PDE6D: variants seen among roughly 807,000 people sequenced by gnomAD.
PDE6D encodes the protein retinal rod rhodopsin-sensitive cGMP 3',5'-cyclic phosphodiesterase subunit delta.
A neutral mutation model predicts 21.9 loss-of-function variants in PDE6D; 10 were observed. The observed-to-expected ratio is 0.46, with a 90% CI of 0.28 to 0.78. The LOEUF (loss-of-function observed/expected upper bound fraction) is 0.78. PDE6D is among the 30% of genes least tolerant of loss of function. The probability of loss-of-function intolerance (pLI) is 0.12; values close to 1 mark genes in which losing one functional copy is unlikely to be tolerated. For missense variants in PDE6D, 139 were observed against 184.8 expected, an observed-to-expected ratio of 0.75 and a Z score of 1.44; for synonymous variants, 59 against 63.5, an observed-to-expected ratio of 0.93 and a Z score of 0.34.
At chr2:231,767,839 CTT>C (rs59912776) in intron 1 of PDE6D, among the ~76,000 whole-genome samples, 29 of 137,864 alleles carry the variant, frequency 2.1e-4, no homozygotes, top group African/African-American at 3.4e-4. Flanking sequence ...TTTAACTATT[CTT>C]TTTTTTTTTT....
intron 1 of PDE6D, among the ~76,000 whole-genome samples, chr2:231,763,642 T>C (rs1470615975): frequency 3.3e-5 from 5 of 151,502 alleles, no homozygotes; most frequent in Admixed American, 6.6e-5. Flanking sequence ...TTTTTTCTTT[T>C]TTTTTTTTTT....
chr2:231,780,170 G>A (rs1162407151), intron 1 of PDE6D, among the ~76,000 whole-genome samples: 10 of 152,064 alleles, frequency 6.6e-5, no homozygotes, highest in Admixed American at 6.6e-4. Context: ...ATGCAAAAGG[G>A]GCACCACAAC....
chr2:231,757,607 T>C (rs2048893232), intron 1 of PDE6D, among the ~76,000 whole-genome samples: 1 of 152,204 alleles, frequency 6.6e-6, no homozygotes, highest in Non-Finnish European at 1.5e-5. Flanking sequence ...GTCAATTTCT[T>C]AAATCCCCAT....
chr2:231,735,266 T>C (rs1178831890), intron 4 of PDE6D, among the ~76,000 whole-genome samples: 1 of 151,148 alleles, frequency 6.6e-6, no homozygotes. Flanking sequence ...AAAATCTACT[T>C]TTAAAACTAT....
rs960403361 is a variant in PDE6D at position 231,742,604 on chromosome 2, G to A, written c.51-3416C>T. ...TCTGCAAAAGATCGTTAATATTTGC[G>A]AAGAGACTGAGCTGCAGATAAATAT... On this transcript the variant is annotated intron_variant, in intron 1 of 4. Transcript: ENST00000287600. 6.6e-5 allele frequency among the ~76,000 whole-genome samples: 10 copies of A among 152,282 alleles called. No individual in the cohort carries two copies. In the Middle Eastern group the frequency reaches 0.01, roughly 155 times the overall value.
At chr2:231,773,319 T>C (rs563042603) in intron 1 of PDE6D, among the ~76,000 whole-genome samples, 2 of 152,330 alleles carry the variant, frequency 1.3e-5, no homozygotes, top group South Asian at 4.1e-4. Context: ...CAAGAGTCCA[T>C]GCATGAGGAA....
At chr2:231,764,034 T>C (rs900558784) in intron 1 of PDE6D, among the ~76,000 whole-genome samples, 3 of 152,034 alleles carry the variant, frequency 2.0e-5, no homozygotes, top group Non-Finnish European at 2.9e-5. Context: ...TTGCCAGCCA[T>C]AGTTTAAGCA....
intron 1 of PDE6D, among the ~76,000 whole-genome samples, chr2:231,766,045 C>A (rs1284919814): frequency 6.6e-6 from 1 of 152,228 alleles, no homozygotes; most frequent in African/African-American, 2.4e-5. Context: ...AAATGCATTT[C>A]TCCACCCAAT....
intron 1 of PDE6D, among the ~76,000 whole-genome samples, chr2:231,749,593 G>A (rs1465385443): frequency 6.7e-6 from 1 of 150,304 alleles, no homozygotes; most frequent in Non-Finnish European, 1.5e-5. Flanking sequence ...GTGCAGTGGT[G>A]TGATCTCAGC....
intron 1 of PDE6D, among the ~76,000 whole-genome samples, chr2:231,754,045 GTGGCCTTTCAGGGACCCAATTAAGTGT>G (rs1388918863): frequency 1.2e-4 from 18 of 152,212 alleles, no homozygotes; most frequent in Non-Finnish European, 5.9e-5. Context: ...AAAGAGTTGA[GTGGCCTTTCAGGGACCCAATTAAGTGT>G]TATGATGACC....
At chr2:231,764,895 G>A (rs1317075564) in intron 1 of PDE6D, among the ~76,000 whole-genome samples, 1 of 152,146 alleles carries the variant, frequency 6.6e-6, no homozygotes. Flanking sequence ...AGCAATAGAG[G>A]GAGAGTTCAT....
intron 1 of PDE6D, among the ~76,000 whole-genome samples, chr2:231,746,172 C>T (rs933617991): frequency 6.6e-6 from 1 of 151,972 alleles, no homozygotes; most frequent in Admixed American, 6.6e-5. Context: ...GACGGAGTCC[C>T]AATCTGTTGT....
At chr2:231,750,559 C>T (rs573926185) in intron 1 of PDE6D, among the ~76,000 whole-genome samples, 4 of 147,722 alleles carry the variant, frequency 2.7e-5, no homozygotes, top group South Asian at 2.1e-4. Context: ...GGCTGGAGTG[C>T]GATCTCAGCT....
chr2:231,776,591 G>T (rs1404115584), intron 1 of PDE6D, among the ~76,000 whole-genome samples: 1 of 152,164 alleles, frequency 6.6e-6, no homozygotes, highest in Non-Finnish European at 1.5e-5. Flanking sequence ...AAAATGCATT[G>T]CTTTTGAAGA....
At chr2:231,747,202 T>C (rs1164123936) in intron 1 of PDE6D, among the ~76,000 whole-genome samples, 1 of 152,230 alleles carries the variant, frequency 6.6e-6, no homozygotes, top group African/African-American at 2.4e-5. Flanking sequence ...GCGATTCTCC[T>C]GTCTTAGCCT....
intron 4 of PDE6D, among the ~76,000 whole-genome samples, chr2:231,736,607 C>T (rs1347455973): frequency 6.6e-6 from 1 of 152,146 alleles, no homozygotes; most frequent in Non-Finnish European, 1.5e-5. Context: ...GGAACAGGAA[C>T]CAAAGCTATT....
chr2:231,749,677 AC>A (rs1435307086), intron 1 of PDE6D, among the ~76,000 whole-genome samples: 4 of 152,044 alleles, frequency 2.6e-5, no homozygotes, highest in African/African-American at 9.6e-5. Context: ...GATTACAGGC[AC>A]TTGCCACCAT....
At chr2:231,768,285 C>G (rs1369347036) in intron 1 of PDE6D, among the ~76,000 whole-genome samples, 1 of 152,164 alleles carries the variant, frequency 6.6e-6, no homozygotes, top group Non-Finnish European at 1.5e-5. Flanking sequence ...ATTCCTGACT[C>G]CAACTCACTC....
intron 1 of PDE6D, among the ~76,000 whole-genome samples, chr2:231,756,409 TC>T (rs996214925): frequency 6.6e-6 from 1 of 152,206 alleles, no homozygotes; most frequent in African/African-American, 2.4e-5. Flanking sequence ...ATATTGGTTG[TC>T]CTGAAGCACA....
Sources: gnomAD v4.1 joint callset for allele counts (sites outside exome capture counted in the v4.1 genomes callset) on GRCh38, gnomAD v4.1.1 for gene constraint, MANE v1.5 for transcripts, NCBI Gene and HGNC (gene_info 2026-07-23, HGNC 2026-07-21) for gene names.